NASP: variants seen among roughly 807,000 people sequenced by gnomAD.
NASP encodes the protein nuclear autoantigenic sperm protein.
Under a neutral mutation model 89.5 loss-of-function variants are expected in NASP, and 24 were observed. The ratio of observed to expected loss-of-function variants is 0.27; its 90% CI spans 0.19 to 0.38. The LOEUF (loss-of-function observed/expected upper bound fraction) is 0.38, where lower values mean the gene tolerates loss of function less well. Among genes scored for constraint, NASP ranks in the 10% least tolerant of loss-of-function variants. NASP has a pLI of 1.00. For missense variants in NASP, 848 were observed against 921.4 expected (o/e 0.92, Z 1.03); for synonymous variants, 306 against 324.7 (o/e 0.94, Z 0.62).
rs550982309 is a variant in NASP at position 45,606,388 on chromosome 1, C to T, written c.300-94C>T. 47 of 814,932 alleles carry T rather than the reference C, an allele frequency of 5.8e-5. 1 individual carries two copies. The South Asian group carries it at 7.3e-4, about 13-fold the overall frequency. The allele number at this position is 814,932 out of a possible 1,614,324, so 50.5% of individuals were successfully genotyped here. A position where few individuals can be genotyped will look rare whatever the true frequency, so the allele number is the denominator to read the frequency against. On this transcript the variant is annotated intron_variant, in intron 4 of 14. Coordinates refer to ENST00000350030, the MANE Select transcript of NASP (RefSeq NM_002482.4). ...TATTGCCTGCGCTTGGCTTACACTT[C>T]TTGCTTTTATAATATAGGACTGTAT...
chr1:45,608,014 G>T lies in NASP; in HGVS notation c.1103G>T (p.Gly368Val). The change falls in exon 6 of 15, where the codon GGG becomes GTG. Residue 368 changes from glycine (G) to valine (V), a missense_variant. By Grantham distance (109) the Gly-to-Val change is moderately radical (BLOSUM62 -3). Around this residue, in one of 5 missense-constraint regions of NASP, gnomAD observed 464 missense variants for 469.4 expected, o/e 0.99. Coordinates refer to ENST00000350030, the MANE Select transcript of NASP (RefSeq NM_002482.4). ...GGATCAGAAGTCTCTGAAAAGCCTGGGCAGGAGGCTCCAGTTCTCCCTAAG... is the reference window on the plus strand; with the variant it reads ...GGATCAGAAGTCTCTGAAAAGCCTGTGCAGGAGGCTCCAGTTCTCCCTAAG... The part of the protein sequence containing the change: ...EAGSEVSEKP[G>V]QEAPVLPKDG... 6.2e-7 allele frequency: 1 copy of T among 1,614,054 alleles called. No individual in the cohort carries two copies. The highest frequency in any genetic ancestry group is 2.2e-5 in the East Asian group (1 of 44,882).
intron 13 of NASP, chr1:45,617,174 A>G (rs1644121386): frequency 2.9e-6 from 1 of 347,176 alleles, no homozygotes; most frequent in South Asian, 3.2e-5. Context: ...CTGTTTCCTG[A>G]CTCAAACACA....
chr1:45,607,825 A>T lies in NASP; in HGVS notation c.914A>T (p.Lys305Met), dbSNP rs1358780688. 2 of 1,614,066 alleles carry T rather than the reference A, an allele frequency of 1.2e-6. No individual in the cohort carries two copies. The highest frequency in any genetic ancestry group is 1.7e-6 in the Non-Finnish European group (2 of 1,180,038). Residue 305 changes from lysine (K) to methionine (M), a missense_variant, in exon 6 of 15, where the codon AAG becomes ATG. This residue lies in a region of NASP where 464 missense variants were observed against 469.4 expected (regional missense o/e 0.99). Transcript: ENST00000350030. ...GCAGAGTCTTTAGACCCGACAGTCA[A>T]GCCAGTGGATGTGGGTGGGGACGAG... ...VEAESLDPTVKPVDVGGDEPE... is the reference protein window; with the variant it reads ...VEAESLDPTVMPVDVGGDEPE...
In NASP at chr1:45,608,172, A is replaced by C; in HGVS notation, c.1261A>C (p.Ser421Arg). The C allele has an allele frequency of 6.2e-7, 1 of 1,614,180 alleles. No homozygotes were observed. The highest frequency in any genetic ancestry group is 8.5e-7 in the Non-Finnish European group (1 of 1,180,012). The change falls in exon 6 of 15, where the codon AGT becomes CGT. Residue 421 changes from serine to arginine, a missense_variant. By Grantham distance (110) the Ser-to-Arg change is moderately radical. This residue lies in a region of NASP where 464 missense variants were observed against 469.4 expected (regional missense o/e 0.99). Transcript: ENST00000350030. ...EEKVRAKLVPSQEETKLSVEE... is the reference protein window; with the variant it reads ...EEKVRAKLVPRQEETKLSVEE... ...GAAGGTCAGGGCAAAGCTGGTTCCT[A>C]GTCAGGAGGAGACTAAGCTGTCTGT...
chr1:45,609,007 G>C (rs922811609), intron 6 of NASP, among the ~76,000 whole-genome samples: 9 of 151,976 alleles, frequency 5.9e-5, no homozygotes, highest in Non-Finnish European at 5.9e-5. Context: ...CTCTCTTCCT[G>C]TTTTCCTTCC....
At chr1:45,615,269 T>G (rs753023058) in intron 10 of NASP, 36 bp from the exon 11 acceptor site, 3 of 1,611,718 alleles carry the variant, frequency 1.9e-6, no homozygotes, top group Non-Finnish European at 2.5e-6. Flanking sequence ...AAACAGTTCT[T>G]TTTTGAGCCA....
At chr1:45,616,931 G>GC (rs1367839185) in intron 13 of NASP, among the ~76,000 whole-genome samples, 3 of 152,098 alleles carry the variant, frequency 2.0e-5, no homozygotes, top group Non-Finnish European at 2.9e-5. Flanking sequence ...TGAAACCTCT[G>GC]CCCCCCGGGT....
At chr1:45,584,302 T>C (rs1164548256) in intron 1 of NASP, 97 bp downstream of exon 1, 25 of 1,162,048 alleles carry the variant, frequency 2.2e-5, no homozygotes, top group Admixed American at 6.6e-5. Context: ...TGGGCGGGAG[T>C]ACTTGCCTTC....
chr1:45,607,168 C>T, intron 5 of NASP, 153 bp from the exon 6 acceptor site: 1 of 757,378 alleles, frequency 1.3e-6, no homozygotes, highest in Non-Finnish European at 2.1e-6. Context: ...TGCTCCCTTT[C>T]CTTTTCTCTA....
intron 4 of NASP, 97 bp from the exon 5 acceptor site, chr1:45,606,385 C>A: frequency 2.5e-6 from 2 of 793,780 alleles, no homozygotes; most frequent in Non-Finnish European, 4.2e-6. Context: ...TTGGCTTACA[C>A]TTCTTGCTTT....
chr1:45,584,808 G>A (rs1268937696), intron 1 of NASP, among the ~76,000 whole-genome samples: 3 of 152,210 alleles, frequency 2.0e-5, no homozygotes, highest in East Asian at 1.9e-4. Flanking sequence ...TGCGGCTCCA[G>A]CAGGAGCTTT....
intron 7 of NASP, among the ~76,000 whole-genome samples, chr1:45,613,609 A>G (rs560995456): frequency 6.6e-6 from 1 of 152,230 alleles, no homozygotes; most frequent in South Asian, 2.1e-4. Context: ...ATCTTCTCAG[A>G]TAGCTAGGTC....
rs550065384 is a variant in NASP, at chr1:45,592,012, A to G, written c.107+742A>G. Among the ~76,000 whole-genome samples, 23 of 152,244 alleles carry G rather than the reference A, an allele frequency of 1.5e-4. 2 individuals are homozygous for G. In the South Asian group the frequency reaches 4.8e-3, roughly 32 times the overall value. The stretch of plus-strand genomic sequence containing the variant: ...ATTATTTTATTTATTTTTTAGACTG[A>G]GTTTCACTCTTGTCGCCCAGGCTGG... On this transcript the variant is annotated intron_variant, in intron 2 of 14. Coordinates refer to ENST00000350030, the MANE Select transcript of NASP (RefSeq NM_002482.4).
Position 45,588,872 on chromosome 1 carries a change from G to A in NASP, c.60-2351G>A, listed in dbSNP as rs542599125. The A allele has an allele frequency of 7.3e-5, 18 of 245,162 alleles. 1 individual carries two copies. The highest frequency in any genetic ancestry group is 6.3e-4 in the Admixed American group (12 of 19,082). 15.2% of individuals were successfully genotyped at this position (245,162 alleles called of 1,614,324 possible). ...GCGGAGCTTGCAGTGAGCCGAGATC[G>A]AGATCGCGCCACTGCACTCCAGCCT... On this transcript the variant is annotated intron_variant, in intron 1 of 14. Transcript: ENST00000350030.
intron 1 of NASP, among the ~76,000 whole-genome samples, chr1:45,585,716 G>A (rs1269629988): frequency 6.6e-6 from 1 of 152,198 alleles, no homozygotes; most frequent in Non-Finnish European, 1.5e-5. Flanking sequence ...AGACTGGAGT[G>A]TAGTGTTGTG....
At chr1:45,588,559 T>C in intron 1 of NASP, 11 of 430,052 alleles carry the variant, frequency 2.6e-5, no homozygotes, top group South Asian at 1.8e-4. Context: ...CTGTTAGCAA[T>C]GTATGGGAGT....
At chr1:45,598,001 A>G (rs1015313328) in intron 2 of NASP, among the ~76,000 whole-genome samples, 3 of 151,972 alleles carry the variant, frequency 2.0e-5, no homozygotes, top group Non-Finnish European at 4.4e-5. Flanking sequence ...ATCTGCTACT[A>G]CTTTTGTTCT....
Position 45,615,220 on chromosome 1 carries a change from C to T in NASP, c.1855+19C>T, listed in dbSNP as rs1264291304. ...AGAATGGGTGAGTGAAGACGAGCTG[C>T]TTCATGGTGATGTTGGATCCAGCAA... is the stretch of plus-strand genomic sequence containing the variant. On this transcript the variant is annotated intron_variant, in intron 10 of 14. Coordinates refer to ENST00000350030, the MANE Select transcript of NASP (RefSeq NM_002482.4). The T allele has an allele frequency of 6.2e-7, 1 of 1,612,946 alleles. No homozygotes were observed. Among genetic ancestry groups the T allele is most frequent in the Middle Eastern group, 1.7e-4 (1 of 6,060 alleles).
At chr1:45,598,376 G>A (rs187645023) in intron 2 of NASP, among the ~76,000 whole-genome samples, 5 of 152,210 alleles carry the variant, frequency 3.3e-5, no homozygotes, top group Admixed American at 3.3e-4. Flanking sequence ...CGCCATGTTG[G>A]CCAGTCACTG....
Sources: gnomAD v4.1 joint callset for allele counts (sites outside exome capture counted in the v4.1 genomes callset) on GRCh38, gnomAD v4.1.1 for gene constraint, gnomAD v4.1.1 regional missense constraint, MANE v1.5 for transcripts, NCBI Gene and HGNC (gene_info 2026-07-23, HGNC 2026-07-21) for gene names.